TTLL7: variants seen among roughly 807,000 people sequenced by gnomAD.
The protein encoded by TTLL7 is tubulin tyrosine ligase like 7.
A neutral mutation model predicts 120.2 loss-of-function variants in TTLL7; 53 were observed. The ratio of observed to expected loss-of-function variants is 0.44; its 90% CI spans 0.35 to 0.55. The LOEUF is 0.55. Ranked by LOEUF, TTLL7 falls within the 20% of genes least tolerant of loss-of-function variation. TTLL7 has a pLI of 0.00. For synonymous variants in TTLL7, 353 were observed against 351.7 expected (o/e 1.00, Z -0.04); for missense variants, 803 against 1,054.7 (o/e 0.76, Z 3.31).
Position 83,870,034 on chromosome 1 carries a change from G to A in TTLL7, c.2592C>T (p.Tyr864=), listed in dbSNP as rs541340373. 2.1e-5 allele frequency: 34 copies of A among 1,586,382 alleles called. No homozygotes were observed. In the East Asian group the frequency reaches 7.4e-4, roughly 35 times the overall value. Reference sequence around the variant, plus strand: ...TTCCAGGTGAATTGTACTTCAAGTTGTAGGTTGGTGTTCTCAAGAAGAATT... The same window carrying A: ...TTCCAGGTGAATTGTACTTCAAGTTATAGGTTGGTGTTCTCAAGAAGAATT... The part of the protein sequence containing the change: ...STQFFLRTPT[Y]NLKYNSPGMT... Residue 864 remains tyrosine (Y), a synonymous_variant, in exon 21 of 21, where the codon TAC becomes TAT. Coordinates refer to ENST00000260505, the MANE Select transcript of TTLL7 (RefSeq NM_024686.6).
At chr1:83,943,081 G>A (rs960628134) in intron 6 of TTLL7, among the ~76,000 whole-genome samples, 5 of 152,150 alleles carry the variant, frequency 3.3e-5, no homozygotes, top group African/African-American at 1.2e-4. Flanking sequence ...CTTCCTGGAG[G>A]ACCTCAAAGG....
chr1:83,885,723 A>T (rs1202551016), intron 19 of TTLL7, among the ~76,000 whole-genome samples: 1 of 152,212 alleles, frequency 6.6e-6, no homozygotes. Flanking sequence ...AACTGAGTAC[A>T]GAACTGTATC....
chr1:83,921,917 T>TTTGAAAACA (rs1217331457), intron 10 of TTLL7, among the ~76,000 whole-genome samples: 8 of 152,312 alleles, frequency 5.3e-5, no homozygotes, highest in African/African-American at 1.4e-4. Context: ...TCATCATTTA[T>TTTGAAAACA]TTGAAAACAT....
chr1:83,958,764 C>T (rs1290665418), intron 1 of TTLL7, among the ~76,000 whole-genome samples: 1 of 152,108 alleles, frequency 6.6e-6, no homozygotes, highest in African/African-American at 2.4e-5. Flanking sequence ...GAATATTATT[C>T]AGATTGGATT....
chr1:83,957,977 G>A (rs914759033), intron 1 of TTLL7, among the ~76,000 whole-genome samples: 1 of 152,136 alleles, frequency 6.6e-6, no homozygotes, highest in African/African-American at 2.4e-5. Context: ...CTAAGACATT[G>A]AGTCCAGTCT....
At chr1:83,905,937 C>T (rs1039793592) in intron 17 of TTLL7, among the ~76,000 whole-genome samples, 5 of 151,966 alleles carry the variant, frequency 3.3e-5, no homozygotes. Context: ...ACATTTTATG[C>T]CACAGCCCCA....
intron 18 of TTLL7, among the ~76,000 whole-genome samples, chr1:83,897,274 A>G (rs1656307227): frequency 6.6e-6 from 1 of 152,066 alleles, no homozygotes; most frequent in Non-Finnish European, 1.5e-5. Context: ...TAAGATACTT[A>G]AATAAGAGTC....
chr1:83,935,862 A>G (rs902334722), intron 8 of TTLL7, among the ~76,000 whole-genome samples: 2 of 152,166 alleles, frequency 1.3e-5, no homozygotes, highest in Non-Finnish European at 2.9e-5. Context: ...AAAGTATACC[A>G]ATTCTTAATA....
intron 6 of TTLL7, 88 bp from the exon 7 acceptor site, chr1:83,942,767 G>A: frequency 1.1e-6 from 1 of 906,076 alleles, no homozygotes. Flanking sequence ...GGAAAATAGT[G>A]GAGTAAGGGA....
chr1:83,968,692 C>T (rs181037736), intron 1 of TTLL7, among the ~76,000 whole-genome samples: 1 of 152,170 alleles, frequency 6.6e-6, no homozygotes, highest in Admixed American at 6.5e-5. Flanking sequence ...ATTATTCCTA[C>T]ATGGAGTACT....
chr1:83,909,555 A>G (rs1358379799), intron 15 of TTLL7, among the ~76,000 whole-genome samples: 1 of 151,974 alleles, frequency 6.6e-6, no homozygotes, highest in Non-Finnish European at 1.5e-5. Context: ...AATAAACACA[A>G]AGTGAAAGAC....
At chr1:83,870,472 C>T (rs527921127) in intron 20 of TTLL7, among the ~76,000 whole-genome samples, 2 of 152,128 alleles carry the variant, frequency 1.3e-5, no homozygotes, top group Admixed American at 6.5e-5. Context: ...TCAAGGGAGG[C>T]GGAACCACTG....
At chr1:83,975,967 G>C (rs1432142347) in intron 1 of TTLL7, among the ~76,000 whole-genome samples, 1 of 151,854 alleles carries the variant, frequency 6.6e-6, no homozygotes, top group Non-Finnish European at 1.5e-5. Flanking sequence ...TACAGTGCCA[G>C]AGTGCACAGC....
intron 1 of TTLL7, among the ~76,000 whole-genome samples, chr1:83,988,557 G>C (rs1166016099): frequency 1.3e-5 from 2 of 152,168 alleles, no homozygotes; most frequent in Non-Finnish European, 2.9e-5. Context: ...GTTGGTTTTT[G>C]ACTTTTCGTT....
At chr1:83,922,915 T>G (rs540364897) in intron 10 of TTLL7, among the ~76,000 whole-genome samples, 4 of 150,586 alleles carry the variant, frequency 2.7e-5, no homozygotes, top group Non-Finnish European at 5.9e-5. Flanking sequence ...ACAAAGGGAT[T>G]AGAGAAAAAA....
intron 20 of TTLL7, among the ~76,000 whole-genome samples, chr1:83,875,499 A>G (rs1303520583): frequency 1.3e-5 from 2 of 152,020 alleles, no homozygotes; most frequent in East Asian, 3.9e-4. Context: ...TAATCATTCT[A>G]ATAAGGGTCT....
At chr1:83,942,871 C>T (rs1648107041) in intron 6 of TTLL7, among the ~76,000 whole-genome samples, 192 bp from the exon 7 acceptor site, 2 of 152,158 alleles carry the variant, frequency 1.3e-5, no homozygotes, top group Non-Finnish European at 2.9e-5. Flanking sequence ...CAAAGGCTTG[C>T]AGCAAATGGA....
chr1:83,942,359 A>T, intron 7 of TTLL7, 104 bp downstream of exon 7: 1 of 908,364 alleles, frequency 1.1e-6, no homozygotes, highest in African/African-American at 1.7e-5. Flanking sequence ...CAAAAACCTG[A>T]GAGGAGCAAC....
chr1:83,896,239 A>C (rs1306201257), intron 18 of TTLL7, among the ~76,000 whole-genome samples: 1 of 152,076 alleles, frequency 6.6e-6, no homozygotes, highest in African/African-American at 2.4e-5. Flanking sequence ...ATTTCCTTAC[A>C]TTATGACTTT....
Sources: gnomAD v4.1 joint callset for allele counts (sites outside exome capture counted in the v4.1 genomes callset) on GRCh38, gnomAD v4.1.1 for gene constraint, MANE v1.5 for transcripts, NCBI Gene and HGNC (gene_info 2026-07-23, HGNC 2026-07-21) for gene names.